The following GRM7 variants were observed in gnomAD, a reference collection of about 807,000 sequenced individuals.
GRM7 encodes glutamate metabotropic receptor 7.
GRM7 carries 35 observed loss-of-function variants against 84.5 expected under a neutral mutation model. That is an observed-to-expected ratio of 0.41 (90% CI 0.32 to 0.55). The LOEUF is 0.55. Ranked by LOEUF, GRM7 falls within the 20% of genes least tolerant of loss-of-function variation. GRM7 has a pLI of 0.19. For missense variants in GRM7, 1,003 were observed against 1,194.6 expected, an observed-to-expected ratio of 0.84 and a Z score of 2.36; for synonymous variants, 487 against 455.1, an observed-to-expected ratio of 1.07 and a Z score of -0.89.
intron 1 of GRM7, among the ~76,000 whole-genome samples, chr3:7,098,933 C>T (rs1698952706): frequency 1.3e-5 from 2 of 152,048 alleles, no homozygotes; most frequent in Admixed American, 1.3e-4. Flanking sequence ...ACTTTAGTGG[C>T]TATCAAATAT....
chr3:6,926,055 A>AC (rs1172069536), intron 1 of GRM7, among the ~76,000 whole-genome samples: 28 of 151,894 alleles, frequency 1.8e-4, no homozygotes, highest in African/African-American at 6.0e-4. Context: ...AGAAAGAGGG[A>AC]CCCCCCAAAA....
intron 7 of GRM7, among the ~76,000 whole-genome samples, chr3:7,541,463 G>A (rs906859813): frequency 3.3e-5 from 5 of 152,070 alleles, no homozygotes; most frequent in African/African-American, 1.2e-4. Context: ...TATGTACCAG[G>A]CACTAAGTAA....
chr3:6,991,978 G>GAA (rs796626275), intron 1 of GRM7, among the ~76,000 whole-genome samples: 2 of 140,942 alleles, frequency 1.4e-5, no homozygotes, highest in African/African-American at 2.6e-5. Flanking sequence ...GTTCAAAAAG[G>GAA]AAAAAAAAAA....
chr3:7,130,985 A>G (rs1014487045), intron 1 of GRM7, among the ~76,000 whole-genome samples: 2 of 152,186 alleles, frequency 1.3e-5, no homozygotes, highest in Admixed American at 6.5e-5. Flanking sequence ...AAGGAATTAT[A>G]TCAGGATTTA....
chr3:6,947,502 G>T (rs1236188520), intron 1 of GRM7, among the ~76,000 whole-genome samples: 1 of 152,130 alleles, frequency 6.6e-6, no homozygotes, highest in African/African-American at 2.4e-5. Flanking sequence ...AAGGATATTG[G>T]TCTAAAATTC....
At chr3:7,368,199 G>A (rs1192319694) in intron 4 of GRM7, among the ~76,000 whole-genome samples, 1 of 151,922 alleles carries the variant, frequency 6.6e-6, no homozygotes, top group Non-Finnish European at 1.5e-5. Flanking sequence ...AGGCATTTCT[G>A]GAACTTGTTT....
At chr3:7,005,401 A>G (rs1393689863) in intron 1 of GRM7, among the ~76,000 whole-genome samples, 1 of 152,236 alleles carries the variant, frequency 6.6e-6, no homozygotes, top group Non-Finnish European at 1.5e-5. Context: ...TTTTATTTTA[A>G]GAGTCTGATA....
chr3:7,322,762 G>C (rs557665582), intron 4 of GRM7, among the ~76,000 whole-genome samples: 152 of 152,108 alleles, frequency 1.0e-3, no homozygotes, highest in Non-Finnish European at 1.9e-3. Flanking sequence ...TGAGTAGTAT[G>C]CCACCTACCA....
intron 4 of GRM7, among the ~76,000 whole-genome samples, chr3:7,340,420 G>A (rs555568534): frequency 6.6e-6 from 1 of 152,180 alleles, no homozygotes; most frequent in East Asian, 1.9e-4. Context: ...AGTGTGTATG[G>A]GAAGCAAAGA....
intron 7 of GRM7, among the ~76,000 whole-genome samples, chr3:7,543,162 C>T (rs1166910060): frequency 6.6e-6 from 1 of 152,170 alleles, no homozygotes; most frequent in East Asian, 1.9e-4. Context: ...TTTACAATAA[C>T]TGGTTTAGAG....
At chr3:7,109,819 T>C (rs1692782614) in intron 1 of GRM7, among the ~76,000 whole-genome samples, 2 of 152,266 alleles carry the variant, frequency 1.3e-5, no homozygotes, top group South Asian at 4.1e-4. Flanking sequence ...TGCAAGTAAT[T>C]ATTACAATTT....
intron 2 of GRM7, among the ~76,000 whole-genome samples, chr3:7,232,056 G>T (rs980169887): frequency 6.6e-6 from 1 of 152,152 alleles, no homozygotes; most frequent in African/African-American, 2.4e-5. Flanking sequence ...GGAGAAGCAG[G>T]AAATAGAAGA....
intron 1 of GRM7, among the ~76,000 whole-genome samples, chr3:6,884,634 C>T (rs1384481128): frequency 6.6e-6 from 1 of 151,916 alleles, no homozygotes; most frequent in East Asian, 1.9e-4. Flanking sequence ...GAGTCTTGCT[C>T]TGTCACCCAG....
intron 1 of GRM7, among the ~76,000 whole-genome samples, chr3:7,024,423 A>G (rs1230305355): frequency 6.6e-6 from 1 of 152,250 alleles, no homozygotes; most frequent in Non-Finnish European, 1.5e-5. Context: ...TGACATTAGC[A>G]CCATGCCATA....
In GRM7 at chr3:6,863,000, G is replaced by A. The variant is rs1265830054; in HGVS notation, c.519+1093G>A. On this transcript the variant is annotated intron_variant, in intron 1 of 9. Transcript: ENST00000357716. The surrounding 1 kb of genome is among the most constrained non-coding windows in gnomAD (Gnocchi z 5.2). ...TGCCCCATGGCTCCTGAGCTGCACT[G>A]GGTAGGAATGAGTGGCTTTGGGGTT... is the stretch of plus-strand genomic sequence containing the variant. The A allele has an allele frequency of 2.2e-6, 1 of 456,456 alleles. No homozygotes were observed. The highest frequency in any genetic ancestry group is 7.0e-5 in the East Asian group (1 of 14,334). The allele number at this position is 456,456 out of a possible 1,614,324, so 28.3% of individuals were successfully genotyped here.
chr3:7,471,374 C>T (rs1698694136), intron 7 of GRM7, among the ~76,000 whole-genome samples: 1 of 152,114 alleles, frequency 6.6e-6, no homozygotes, highest in Non-Finnish European at 1.5e-5. Flanking sequence ...GAATCTATTT[C>T]TGCTCATTCA....
intron 1 of GRM7, among the ~76,000 whole-genome samples, chr3:6,922,838 A>G (rs1002851208): frequency 2.0e-5 from 3 of 152,186 alleles, no homozygotes; most frequent in African/African-American, 7.2e-5. Context: ...TGCCATTGGA[A>G]TGGTCTGATT....
chr3:7,007,294 G>A (rs376736738), intron 1 of GRM7, among the ~76,000 whole-genome samples: 1 of 152,294 alleles, frequency 6.6e-6, no homozygotes, highest in South Asian at 2.1e-4. Flanking sequence ...GTATCGTGAT[G>A]ATAAGGATTA....
Position 7,578,584 on chromosome 3 carries a change from T to A in GRM7, c.1678T>A (p.Cys560Ser). ...GYQYQFDEMT[C>S]QHCPYDQRPN... The stretch of plus-strand genomic sequence containing the variant: ...CCAGTACCAGTTTGATGAGATGACA[T>A]GCCAGCATTGCCCCTATGACCAGAG... The change falls in exon 8 of 10, where the codon TGC becomes AGC. Residue 560 changes from cysteine (C) to serine (S), a missense_variant. Around this residue, in one of 2 missense-constraint regions of GRM7, gnomAD observed 910 missense variants for 1,126.0 expected, o/e 0.81. Transcript: ENST00000357716. 6.2e-7 allele frequency: 1 copy of A among 1,613,964 alleles called. No homozygotes were observed. Among genetic ancestry groups the A allele is most frequent in the Non-Finnish European group, 8.5e-7 (1 of 1,179,948 alleles).
Sources: gnomAD v4.1 joint callset for allele counts (sites outside exome capture counted in the v4.1 genomes callset) on GRCh38, gnomAD v4.1.1 for gene constraint, gnomAD v4.1.1 regional missense constraint, Gnocchi (gnomAD v3.1) non-coding constraint, MANE v1.5 for transcripts, NCBI Gene and HGNC (gene_info 2026-07-23, HGNC 2026-07-21) for gene names.